The following MPI variants were observed in gnomAD, a reference collection of about 807,000 sequenced individuals.
MPI encodes mannose-6-phosphate isomerase.
Under a neutral mutation model 40.1 loss-of-function variants are expected in MPI, and 33 were observed. That is an observed-to-expected ratio of 0.82 (90% confidence interval 0.62 to 1.10). The LOEUF (loss-of-function observed/expected upper bound fraction) is 1.10, where lower values mean the gene tolerates loss of function less well. Ranked by LOEUF, MPI falls within the 50% of genes least tolerant of loss-of-function variation. The pLI is 0.00. For missense variants in MPI, 514 were observed against 524.1 expected (o/e 0.98, Z 0.19); for synonymous variants, 187 against 207.4 (o/e 0.90, Z 0.85).
intron 5 of MPI, chr15:74,893,875 G>T (rs2064762990): frequency 5.7e-6 from 1 of 175,088 alleles, no homozygotes; most frequent in African/African-American, 2.4e-5. Context: ...CCAGCAATGA[G>T]CTTATGTGGT....
Position 74,896,193 on chromosome 15 carries a change from T to C in MPI, c.712T>C (p.Leu238=). 1 of 1,614,048 alleles carries C rather than the reference T, an allele frequency of 6.2e-7. No individual in the cohort carries two copies. Among genetic ancestry groups the C allele is most frequent in the East Asian group, 2.2e-5 (1 of 44,892 alleles). ...CATGGAGGACATCTTTGGGGAGCTTTTGCTACAGCTGCACCAGCAGTACCC... is the reference window on the plus strand; with the variant it reads ...CATGGAGGACATCTTTGGGGAGCTTCTGCTACAGCTGCACCAGCAGTACCC... ...NNMEDIFGEL[L]LQLHQQYPGD... Residue 238 remains leucine, a synonymous_variant, in exon 6 of 8, where the codon TTG becomes CTG. Transcript: ENST00000352410.
At chr15:74,894,907 T>C (rs915746873) in intron 5 of MPI, among the ~76,000 whole-genome samples, 3 of 152,064 alleles carry the variant, frequency 2.0e-5, no homozygotes, top group Non-Finnish European at 4.4e-5. Context: ...ATTTTGGCCC[T>C]CAGCGCATTC....
chr15:74,891,305 A>G, intron 2 of MPI, 74 bp from the exon 3 acceptor site: 1 of 1,404,772 alleles, frequency 7.1e-7, no homozygotes, highest in Non-Finnish European at 1.0e-6. Context: ...AGCACAGCAT[A>G]ACGGATTGGG....
chr15:74,897,880 G>C lies in MPI; in HGVS notation c.*150G>C. On this transcript the variant is annotated 3_prime_UTR_variant, in exon 8 of 8. Coordinates refer to ENST00000352410, the MANE Select transcript of MPI (RefSeq NM_002435.3). ...GGGTGGGGGAGGAGGGAGCGTGAAG[G>C]TAGTGACTCCTGAACACACCCAGGT... The C allele has an allele frequency of 1.3e-6, 1 of 782,838 alleles. No individual in the cohort carries two copies. 48.5% of individuals were successfully genotyped at this position (782,838 alleles called of 1,614,324 possible).
chr15:74,890,163 C>A (rs1446131657), intron 1 of MPI, 74 bp downstream of exon 1: 1 of 1,586,576 alleles, frequency 6.3e-7, no homozygotes, highest in East Asian at 2.2e-5. Flanking sequence ...GCATTATCGG[C>A]CAGGTTGAGT....
intron 2 of MPI, 75 bp downstream of exon 2, chr15:74,890,729 C>A: frequency 1.2e-6 from 2 of 1,600,370 alleles, no homozygotes; most frequent in Non-Finnish European, 1.7e-6. Context: ...TCATAAGAAT[C>A]AGCTGGGAAG....
intron 4 of MPI, 117 bp downstream of exon 4, chr15:74,892,919 T>C (rs2064748750): frequency 6.5e-7 from 1 of 1,547,732 alleles, no homozygotes; most frequent in Admixed American, 1.7e-5. Context: ...AAGGGCCTCA[T>C]GAAGCAGTTT....
At position 74,900,052 on chromosome 15, in the gene MPI, C is replaced by T. The variant is rs1964807939; in HGVS notation, c.*2322C>T. On this transcript the variant is annotated 3_prime_UTR_variant, in exon 8 of 8. Transcript: ENST00000352410. ...GCTGTAGAAGTGCAAGCCAAGAGTT[C>T]TATAGAGTAGTACATAAACACCATA... 6.6e-6 allele frequency: 1 copy of T among 152,206 alleles called. No homozygotes were observed. The highest frequency in any genetic ancestry group is 2.1e-4 in the South Asian group (1 of 4,834). 9.4% of individuals were successfully genotyped at this position (152,206 alleles called of 1,614,324 possible). A position where few individuals can be genotyped will look rare whatever the true frequency, so the allele number is the denominator to read the frequency against.
At chr15:74,896,393 AG>A in intron 6 of MPI, 68 bp downstream of exon 6, 1 of 1,580,760 alleles carries the variant, frequency 6.3e-7, no homozygotes, top group South Asian at 1.1e-5. Flanking sequence ...ATCTGGACAA[AG>A]GAAGGAGAAG....
At position 74,896,148 on chromosome 15, in the gene MPI, T is replaced by G. The variant is rs199719453; in HGVS notation, c.671-4T>G. The G allele has an allele frequency of 2.5e-4, 405 of 1,613,958 alleles. No individual in the cohort carries two copies. The highest frequency in any genetic ancestry group is 3.0e-4 in the Non-Finnish European group (352 of 1,180,000). Reference sequence around the variant, plus strand: ...GTGACCTTGGGGTGCTCTGTGACCCTCAGCGGCTGCCGGAAACAACATGGA... The same window carrying G: ...GTGACCTTGGGGTGCTCTGTGACCCGCAGCGGCTGCCGGAAACAACATGGA... On this transcript the variant is annotated splice_polypyrimidine_tract_variant and splice_region_variant and intron_variant, in intron 5 of 7. Transcript: ENST00000352410.
At chr15:74,893,450 C>T (rs761158929) in intron 5 of MPI, 130 bp downstream of exon 5, 12 of 965,308 alleles carry the variant, frequency 1.2e-5, no homozygotes, top group African/African-American at 8.0e-5. Flanking sequence ...ACTTAGATGA[C>T]CTGTTGGCAA....
In MPI at chr15:74,898,216, C is replaced by T; in HGVS notation, c.*486C>T. On this transcript the variant is annotated 3_prime_UTR_variant, in exon 8 of 8. Transcript: ENST00000352410. ...TTGTTCTGTCAAAGCAATTAAAGAT[C>T]ACTTGTGTTGAGGCTGTGGGGTAAT... 3.8e-6 allele frequency: 1 copy of T among 264,330 alleles called. No individual in the cohort carries two copies. Among genetic ancestry groups the T allele is most frequent in the Non-Finnish European group, 7.5e-6 (1 of 132,650 alleles). 16.4% of individuals were successfully genotyped at this position (264,330 alleles called of 1,614,324 possible).
intron 5 of MPI, chr15:74,893,550 G>A: frequency 1.6e-6 from 1 of 644,252 alleles, no homozygotes; most frequent in Non-Finnish European, 2.8e-6. Context: ...GATGGTTGGA[G>A]GCAGACTGGC....
chr15:74,891,354 C>T (rs201024240), intron 2 of MPI, 25 bp from the exon 3 acceptor site: 1 of 1,611,674 alleles, frequency 6.2e-7, no homozygotes, highest in African/African-American at 1.3e-5. Context: ...TCCCCCTTCC[C>T]CTCCCAAGTT....
chr15:74,896,010 G>T (rs2064812184), intron 5 of MPI, 142 bp from the exon 6 acceptor site: 3 of 857,472 alleles, frequency 3.5e-6, no homozygotes, highest in Non-Finnish European at 5.8e-6. Context: ...AAGGGCTGGA[G>T]GCGTGGCCAG....
At chr15:74,891,255 A>G in intron 2 of MPI, 124 bp from the exon 3 acceptor site, 1 of 864,148 alleles carries the variant, frequency 1.2e-6, no homozygotes, top group East Asian at 2.4e-5. Flanking sequence ...TTGTATCCAG[A>G]CCTGGGAGGC....
At chr15:74,890,696 C>T (rs370782644) in intron 2 of MPI, 42 bp downstream of exon 2, 3 of 1,609,442 alleles carry the variant, frequency 1.9e-6, no homozygotes, top group African/African-American at 1.3e-5. Context: ...ACCCGCAGGT[C>T]AGGAGAAAGG....
chr15:74,894,106 G>GAGCCA (rs139123954), intron 5 of MPI, among the ~76,000 whole-genome samples: 1,993 of 58,978 alleles, frequency 0.034, 424 homozygotes, highest in East Asian at 0.1. Flanking sequence ...GTGTGTGTGT[G>GAGCCA]TGGTCTCTTT....
At chr15:74,897,444 G>A in intron 7 of MPI, 68 bp from the exon 8 acceptor site, 1 of 1,518,506 alleles carries the variant, frequency 6.6e-7, no homozygotes, top group East Asian at 2.3e-5. Context: ...CCTGGGGACT[G>A]TCCTGGGCCC....
Sources: gnomAD v4.1 joint callset for allele counts (sites outside exome capture counted in the v4.1 genomes callset) on GRCh38, gnomAD v4.1.1 for gene constraint, MANE v1.5 for transcripts, NCBI Gene and HGNC (gene_info 2026-07-23, HGNC 2026-07-21) for gene names.